TMEM108: variants seen among roughly 807,000 people sequenced by gnomAD.
TMEM108 encodes cancer/testis antigen 124.
In TMEM108, 12 loss-of-function variants were observed where a neutral mutation model predicts 35.1. That is an observed-to-expected ratio of 0.34 (90% CI 0.22 to 0.55). The LOEUF (loss-of-function observed/expected upper bound fraction) is 0.55, where lower values mean the gene tolerates loss of function less well. Ranked by LOEUF, TMEM108 falls within the 20% of genes least tolerant of loss-of-function variation. The pLI is 0.89. For synonymous variants in TMEM108, 287 were observed against 308.6 expected (o/e 0.93, Z 0.73); for missense variants, 680 against 753.3 (o/e 0.90, Z 1.14).
intron 3 of TMEM108, among the ~76,000 whole-genome samples, chr3:133,288,745 T>C (rs1469822633): frequency 6.6e-6 from 1 of 152,210 alleles, no homozygotes; most frequent in Non-Finnish European, 1.5e-5. Context: ...ATATAATAAT[T>C]TGGGGGTTTT....
At chr3:133,081,323 C>T (rs2107698012) in intron 2 of TMEM108, among the ~76,000 whole-genome samples, 1 of 152,304 alleles carries the variant, frequency 6.6e-6, no homozygotes. Context: ...ATGGCCACCT[C>T]CTTGACGTGT....
intron 3 of TMEM108, chr3:133,256,981 G>A (rs1174314084): frequency 6.6e-6 from 1 of 152,164 alleles, no homozygotes; most frequent in Non-Finnish European, 1.5e-5. Context: ...TGGTGAGAGG[G>A]ATGACAATCA....
chr3:133,309,591 T>G (rs1381146897), intron 3 of TMEM108, among the ~76,000 whole-genome samples: 1 of 151,882 alleles, frequency 6.6e-6, no homozygotes, highest in African/African-American at 2.4e-5. Context: ...CAACCTTAAT[T>G]TTTTTCTACC....
intron 3 of TMEM108, among the ~76,000 whole-genome samples, chr3:133,289,656 G>A (rs1947035124): frequency 2.0e-5 from 3 of 152,166 alleles, no homozygotes; most frequent in African/African-American, 7.2e-5. Context: ...GTAGTGTAGT[G>A]CCCTTTAGGT....
At chr3:133,305,073 G>C (rs1187549234) in intron 3 of TMEM108, among the ~76,000 whole-genome samples, 1 of 152,016 alleles carries the variant, frequency 6.6e-6, no homozygotes, top group Non-Finnish European at 1.5e-5. Context: ...AACAGAGCGA[G>C]ACTCTGATTC....
intron 3 of TMEM108, among the ~76,000 whole-genome samples, chr3:133,318,669 A>C (rs1037415370): frequency 6.6e-6 from 1 of 152,204 alleles, no homozygotes; most frequent in Non-Finnish European, 1.5e-5. Flanking sequence ...TGTCTTTCTC[A>C]GCAAATAAAT....
At chr3:133,159,693 G>A (rs1944933748) in intron 2 of TMEM108, among the ~76,000 whole-genome samples, 1 of 152,186 alleles carries the variant, frequency 6.6e-6, no homozygotes, top group Non-Finnish European at 1.5e-5. Flanking sequence ...GGATGAGGGA[G>A]CTGAGTCACA....
chr3:133,379,996 C>T lies in TMEM108; in HGVS notation c.285C>T (p.His95=). The T allele has an allele frequency of 6.2e-7, 1 of 1,614,020 alleles. No homozygotes were observed. Among genetic ancestry groups the T allele is most frequent in the Middle Eastern group, 1.6e-4 (1 of 6,062 alleles). Residue 95 remains histidine (H), a synonymous_variant, in exon 4 of 6, where the codon CAC becomes CAT. Coordinates refer to ENST00000321871, the MANE Select transcript of TMEM108 (RefSeq NM_023943.4). ...GTGCAGAGGGGCACCCTCCTACGCA[C>T]ACCATCTCCACCATCGCTGCGACAG... ...TPRAEGHPPT[H]TISTIAATVT... is the part of the protein sequence containing the mutation.
chr3:133,185,829 A>G (rs959582673), intron 2 of TMEM108, among the ~76,000 whole-genome samples: 6 of 140,524 alleles, frequency 4.3e-5, no homozygotes, highest in African/African-American at 1.6e-4. Context: ...TTGCCCAGGC[A>G]TGAACTCAGC....
intron 4 of TMEM108, among the ~76,000 whole-genome samples, chr3:133,383,799 TA>T (rs2073075308): frequency 6.6e-6 from 1 of 152,144 alleles, no homozygotes; most frequent in African/African-American, 2.4e-5. Flanking sequence ...CACAAACTTT[TA>T]ATAAAAGTGG....
At chr3:133,330,389 G>T (rs1252431416) in intron 3 of TMEM108, among the ~76,000 whole-genome samples, 3 of 152,162 alleles carry the variant, frequency 2.0e-5, no homozygotes, top group Admixed American at 1.3e-4. Flanking sequence ...ATTCAAAGAT[G>T]GGTGTGGGTT....
At chr3:133,394,045 T>C (rs993715309) in intron 5 of TMEM108, among the ~76,000 whole-genome samples, 1 of 152,208 alleles carries the variant, frequency 6.6e-6, no homozygotes, top group East Asian at 1.9e-4. Flanking sequence ...CTTGTTCTGC[T>C]TTATTTAGAG....
intron 2 of TMEM108, among the ~76,000 whole-genome samples, chr3:133,215,206 A>G (rs972025203): frequency 6.6e-6 from 1 of 152,106 alleles, no homozygotes; most frequent in African/African-American, 2.4e-5. Flanking sequence ...CTTATGGCCA[A>G]CAGCACTGTA....
intron 2 of TMEM108, among the ~76,000 whole-genome samples, chr3:133,080,188 A>G (rs1337326446): frequency 6.6e-6 from 1 of 152,200 alleles, no homozygotes; most frequent in East Asian, 1.9e-4. Context: ...TCCCAAGAGC[A>G]TTATCCCTAA....
intron 3 of TMEM108, among the ~76,000 whole-genome samples, chr3:133,313,238 C>T (rs2071156162): frequency 6.6e-6 from 1 of 151,040 alleles, no homozygotes; most frequent in African/African-American, 2.4e-5. Flanking sequence ...CTCTCTGTCA[C>T]CCAGGCTGGA....
At chr3:133,150,992 T>A (rs1369788900) in intron 2 of TMEM108, among the ~76,000 whole-genome samples, 2 of 152,184 alleles carry the variant, frequency 1.3e-5, no homozygotes, top group Non-Finnish European at 2.9e-5. Flanking sequence ...GTAATGAGTT[T>A]CCATTTCTTT....
At chr3:133,187,883 C>CA (rs34894272) in intron 2 of TMEM108, among the ~76,000 whole-genome samples, 7,182 of 127,248 alleles carry the variant, frequency 0.056, 424 homozygotes, top group African/African-American at 0.13. Flanking sequence ...ACGGTTGCTG[C>CA]AAAAAAAAAA....
intron 3 of TMEM108, among the ~76,000 whole-genome samples, chr3:133,267,218 A>G (rs1373005235): frequency 6.6e-6 from 1 of 152,192 alleles, no homozygotes; most frequent in African/African-American, 2.4e-5. Flanking sequence ...TCTGGCACTG[A>G]GGATACCAAA....
intron 3 of TMEM108, among the ~76,000 whole-genome samples, chr3:133,363,024 G>A (rs1327281295): frequency 1.3e-5 from 2 of 152,168 alleles, no homozygotes; most frequent in East Asian, 1.9e-4. Context: ...AGAATGGGAT[G>A]GAGATGTGCT....
Sources: gnomAD v4.1 joint callset for allele counts (sites outside exome capture counted in the v4.1 genomes callset) on GRCh38, gnomAD v4.1.1 for gene constraint, MANE v1.5 for transcripts, NCBI Gene and HGNC (gene_info 2026-07-23, HGNC 2026-07-21) for gene names.